Variants in ANK2 observed in about 807,000 individuals in gnomAD.
ANK2 encodes the protein ankyrin-2.
A neutral mutation model predicts 360.5 loss-of-function variants in ANK2; 83 were observed. The observed-to-expected ratio is 0.23, with a 90% CI of 0.19 to 0.28. The LOEUF is 0.28. ANK2 is among the 10% of genes least tolerant of loss of function. The pLI, the probability that ANK2 is intolerant of heterozygous loss-of-function variation, is 1.00. For synonymous variants in ANK2, 1,740 were observed against 1,759.5 expected (o/e 0.99, Z 0.28); for missense variants, 4,201 against 4,795.7 (o/e 0.88, Z 3.66).
chr4:112,790,563 C>T, the ANK2 span, among the ~76,000 whole-genome samples: 2 of 149,488 alleles, frequency 1.3e-5, no homozygotes, highest in African/African-American at 5.0e-5. Flanking sequence ...TCATGGCTCA[C>T]TGCAACCTCT....
chr4:112,914,740 C>T (rs1364292202), intron 2 of ANK2, among the ~76,000 whole-genome samples: 1 of 152,134 alleles, frequency 6.6e-6, no homozygotes, highest in East Asian at 1.9e-4. Flanking sequence ...AGAAGAGGCA[C>T]CCACTGTTTC....
At chr4:112,728,317 A>AG in the ANK2 span, among the ~76,000 whole-genome samples, 2 of 150,650 alleles carry the variant, frequency 1.3e-5, no homozygotes, top group East Asian at 1.9e-4. Context: ...AAAAAAAAAA[A>AG]AAAGAAAAGA....
intron 37 of ANK2, 130 bp downstream of exon 37, chr4:113,350,379 C>T: frequency 1.4e-6 from 1 of 735,784 alleles, no homozygotes. Context: ...CCTTATTAAT[C>T]ATTAATATAT....
rs147362679 is a variant in ANK2, at chr4:113,107,530, A to C, written c.84+57718A>C. 3.9e-5 allele frequency among the ~76,000 whole-genome samples: 6 copies of C among 152,194 alleles called. No homozygotes were observed. In the East Asian group the frequency reaches 1.2e-3, roughly 29 times the overall value. ...CCGCGCCCAGCCAGTGTTGGATTTT[A>C]TCATTACCAAATAGTCATAAAGAGT... On this transcript the variant is annotated intron_variant, in intron 1 of 45. Coordinates refer to ENST00000357077, the MANE Select transcript of ANK2 (RefSeq NM_001148.6).
intron 2 of ANK2, among the ~76,000 whole-genome samples, chr4:113,188,496 T>C (rs986460290): frequency 6.6e-6 from 1 of 152,190 alleles, no homozygotes; most frequent in Non-Finnish European, 1.5e-5. Context: ...TACATCTGTG[T>C]GCCTCAGTTT....
chr4:112,913,747 G>A lies in ANK2; in HGVS notation c.21+9233G>A, dbSNP rs541233471. Reference sequence around the variant, plus strand: ...CCTGTTTTTGTTCAGTAACTTGAAAGCCCTATTTGGAAATCATAGAGAAGT... The same window carrying A: ...CCTGTTTTTGTTCAGTAACTTGAAAACCCTATTTGGAAATCATAGAGAAGT... On this transcript the variant is annotated intron_variant, in intron 2 of 30. Coordinates refer to the ANK2 transcript ENST00000503271. Among the ~76,000 whole-genome samples, 7 of 152,188 alleles carry A rather than the reference G, an allele frequency of 4.6e-5. No individual in the cohort carries two copies. The South Asian group carries it at 1.5e-3, about 32-fold the overall frequency.
rs1487153783 is a variant in ANK2, at chr4:113,353,376, A to T, written c.4758A>T (p.Gly1586=). Residue 1586 remains glycine, a synonymous_variant, in exon 38 of 46, where the codon GGA becomes GGT. Transcript: ENST00000357077. ...TGCAGAGCTCTCGGTCTGAGAGAGG[A>T]TTAGTTGAAGAGGAATGGGTTATTG... ...SSVQSSRSER[G]LVEEEWVIVS... The T allele has an allele frequency of 1.2e-6, 2 of 1,614,116 alleles. No individual in the cohort carries two copies. The highest frequency in any genetic ancestry group is 2.2e-5 in the South Asian group (2 of 91,078).
chr4:112,755,790 A>T, the ANK2 span: 1 of 170,828 alleles, frequency 5.9e-6, no homozygotes, highest in Non-Finnish European at 1.2e-5. Flanking sequence ...GCCAATAATA[A>T]TATAAATGTT....
the ANK2 span, among the ~76,000 whole-genome samples, chr4:112,761,416 C>G: frequency 2.0e-5 from 3 of 151,952 alleles, no homozygotes; most frequent in Non-Finnish European, 4.4e-5. Context: ...GTTAGGAGAT[C>G]GAGACCATCC....
At chr4:113,065,713 T>C (rs1000293718) in intron 1 of ANK2, among the ~76,000 whole-genome samples, 2 of 152,204 alleles carry the variant, frequency 1.3e-5, no homozygotes, top group Non-Finnish European at 1.5e-5. Flanking sequence ...AAGCCCCTGA[T>C]CTACTGCATG....
intron 1 of ANK2, among the ~76,000 whole-genome samples, chr4:112,876,388 T>C (rs1441780048): frequency 1.3e-5 from 2 of 152,012 alleles, no homozygotes; most frequent in African/African-American, 4.8e-5. Flanking sequence ...GCTGGCACAC[T>C]CAAAATAGGA....
At chr4:113,109,388 A>G (rs990081138) in intron 1 of ANK2, among the ~76,000 whole-genome samples, 2 of 152,144 alleles carry the variant, frequency 1.3e-5, no homozygotes, top group African/African-American at 4.8e-5. Context: ...GAGCATTTTA[A>G]ACCAAGTTCG....
At chr4:113,203,148 C>T (rs1022995350) in intron 4 of ANK2, among the ~76,000 whole-genome samples, 3 of 152,116 alleles carry the variant, frequency 2.0e-5, no homozygotes, top group Non-Finnish European at 4.4e-5. Flanking sequence ...TGCAGAAGAT[C>T]TTTAGTAGGC....
chr4:112,965,188 A>G (rs183347826), intron 2 of ANK2, among the ~76,000 whole-genome samples: 10 of 152,250 alleles, frequency 6.6e-5, no homozygotes, highest in Admixed American at 4.6e-4. Context: ...TTGGATAAAA[A>G]CCATTTTAAC....
the ANK2 span, among the ~76,000 whole-genome samples, chr4:112,744,248 T>G: frequency 6.6e-6 from 1 of 152,174 alleles, no homozygotes; most frequent in African/African-American, 2.4e-5. Context: ...ATAGATAAAC[T>G]TAATGGATAC....
intron 2 of ANK2, among the ~76,000 whole-genome samples, chr4:113,021,415 C>G (rs537745823): frequency 6.6e-6 from 1 of 151,602 alleles, no homozygotes; most frequent in Admixed American, 6.6e-5. Context: ...AATGTAGTCT[C>G]TCACTTTCCA....
intron 10 of ANK2, 91 bp from the exon 11 acceptor site, chr4:113,255,644 T>C: frequency 7.4e-7 from 1 of 1,345,468 alleles, no homozygotes; most frequent in Middle Eastern, 1.8e-4. Flanking sequence ...ACTAACTGTG[T>C]TAGAGATCAA....
chr4:112,730,825 A>T, the ANK2 span, among the ~76,000 whole-genome samples: 17 of 150,758 alleles, frequency 1.1e-4, no homozygotes, highest in Non-Finnish European at 4.4e-5. Flanking sequence ...CCAGCAGGGC[A>T]ACATAGTGAG....
chr4:113,012,871 T>G (rs1222679718), intron 2 of ANK2, among the ~76,000 whole-genome samples: 1 of 152,178 alleles, frequency 6.6e-6, no homozygotes, highest in Non-Finnish European at 1.5e-5. Context: ...CCATTGGATC[T>G]CACAGGCCTC....
Sources: gnomAD v4.1 joint callset for allele counts (sites outside exome capture counted in the v4.1 genomes callset) on GRCh38, gnomAD v4.1.1 for gene constraint, MANE v1.5 for transcripts, NCBI Gene and HGNC (gene_info 2026-07-23, HGNC 2026-07-21) for gene names.